Variants in PIP5K1B observed in about 807,000 individuals in gnomAD.
The protein encoded by PIP5K1B is phosphatidylinositol-4-phosphate 5-kinase type 1 beta, also known as phosphatidylinositol 4-phosphate 5-kinase type-1 beta.
Under a neutral mutation model 67.0 loss-of-function variants are expected in PIP5K1B, and 42 were observed. The observed-to-expected ratio is 0.63, with a 90% CI of 0.49 to 0.81. PIP5K1B has a LOEUF of 0.81. Ranked by LOEUF, PIP5K1B falls within the 30% of genes least tolerant of loss-of-function variation. PIP5K1B has a pLI of 0.00. For missense variants in PIP5K1B, 459 were observed against 646.3 expected, an observed-to-expected ratio of 0.71 and a Z score of 3.14; for synonymous variants, 214 against 231.4, an observed-to-expected ratio of 0.92 and a Z score of 0.68.
chr9:68,864,072 T>C, intron 5 of PIP5K1B, 105 bp downstream of exon 5: 8 of 1,000,324 alleles, frequency 8.0e-6, no homozygotes, highest in Non-Finnish European at 1.2e-5. Context: ...TATGTACAGA[T>C]GTGAATATTG....
chr9:68,836,320 T>G (rs1479543820), intron 4 of PIP5K1B, among the ~76,000 whole-genome samples: 1 of 152,222 alleles, frequency 6.6e-6, no homozygotes, highest in Non-Finnish European at 1.5e-5. Flanking sequence ...GATTTGGATA[T>G]AACTTTAAGA....
chr9:68,719,165 A>C (rs1437630240), intron 1 of PIP5K1B, among the ~76,000 whole-genome samples: 1 of 152,128 alleles, frequency 6.6e-6, no homozygotes, highest in Non-Finnish European at 1.5e-5. Context: ...TGTGATAGGC[A>C]TGCTTTCTTT....
intron 1 of PIP5K1B, among the ~76,000 whole-genome samples, chr9:68,712,662 C>T (rs1399316238): frequency 1.3e-5 from 2 of 152,312 alleles, no homozygotes; most frequent in South Asian, 4.1e-4. Context: ...ACAGTGCTTA[C>T]GTGTTAGCTA....
intron 4 of PIP5K1B, among the ~76,000 whole-genome samples, chr9:68,856,022 C>T (rs372856807): frequency 2.0e-5 from 3 of 152,180 alleles, no homozygotes; most frequent in Non-Finnish European, 2.9e-5. Flanking sequence ...GACAAGGCTG[C>T]GTTCCTTCAG....
chr9:68,784,586 G>A (rs1269544295), intron 2 of PIP5K1B: 1 of 166,966 alleles, frequency 6.0e-6, no homozygotes. Flanking sequence ...ATTGGGGAAG[G>A]AATCAAGACT....
intron 2 of PIP5K1B, among the ~76,000 whole-genome samples, chr9:68,777,888 CCTCT>C (rs1434489391): frequency 1.3e-5 from 2 of 152,150 alleles, no homozygotes; most frequent in East Asian, 1.9e-4. Flanking sequence ...GACATTTCCT[CCTCT>C]CTCCTGTTTT....
intron 1 of PIP5K1B, among the ~76,000 whole-genome samples, chr9:68,715,373 C>G (rs1827584899): frequency 6.6e-6 from 1 of 152,172 alleles, no homozygotes; most frequent in Admixed American, 6.5e-5. Context: ...CCACTCCAGT[C>G]TCAGATCCAC....
chr9:68,921,446 C>T (rs1196088563), intron 11 of PIP5K1B, among the ~76,000 whole-genome samples: 1 of 152,170 alleles, frequency 6.6e-6, no homozygotes, highest in African/African-American at 2.4e-5. Flanking sequence ...GTACCTCGAA[C>T]ATTGAAGGGG....
intron 13 of PIP5K1B, among the ~76,000 whole-genome samples, chr9:68,938,942 A>G (rs985926126): frequency 1.3e-5 from 2 of 152,224 alleles, no homozygotes; most frequent in Non-Finnish European, 2.9e-5. Context: ...TCGTACAATT[A>G]GGTGAGGCTC....
chr9:68,856,708 A>G (rs1426213597), intron 4 of PIP5K1B, among the ~76,000 whole-genome samples: 2 of 152,174 alleles, frequency 1.3e-5, no homozygotes, highest in East Asian at 1.9e-4. Context: ...GGCTCATACT[A>G]AGTGCTCAGA....
At chr9:68,843,948 C>T (rs1287647611) in intron 4 of PIP5K1B, among the ~76,000 whole-genome samples, 1 of 152,152 alleles carries the variant, frequency 6.6e-6, no homozygotes, top group African/African-American at 2.4e-5. Flanking sequence ...GCTCAGGAGA[C>T]AGGCAGAGGT....
chr9:68,705,656 T>A lies in PIP5K1B; in HGVS notation c.-349T>A, dbSNP rs1010850069. 1.0e-5 allele frequency: 1 copy of A among 97,746 alleles called. No individual in the cohort carries two copies. The highest frequency in any genetic ancestry group is 3.9e-5 in the African/African-American group (1 of 25,412). 6.1% of individuals were successfully genotyped at this position (97,746 alleles called of 1,614,324 possible). A position where few individuals can be genotyped will look rare whatever the true frequency, so the allele number is the denominator to read the frequency against. On this transcript the variant is annotated 5_prime_UTR_variant, in exon 1 of 16. Coordinates refer to ENST00000265382, the MANE Select transcript of PIP5K1B (RefSeq NM_003558.4). ...CCTCCCGCCCCTCCCGCCCCTCGCC[T>A]GCACTGCTCTCCCTTCGCTGTGGGG... is the stretch of plus-strand genomic sequence containing the variant.
chr9:68,894,744 CAT>C (rs1199522240), intron 8 of PIP5K1B, 106 bp downstream of exon 8: 10 of 1,035,148 alleles, frequency 9.7e-6, no homozygotes, highest in East Asian at 7.2e-5. Flanking sequence ...AAGTGGCAGA[CAT>C]GTGGAATCCT....
At chr9:68,965,157 T>C (rs1459324254) in intron 14 of PIP5K1B, among the ~76,000 whole-genome samples, 3 of 152,184 alleles carry the variant, frequency 2.0e-5, no homozygotes, top group Non-Finnish European at 4.4e-5. Flanking sequence ...CTTAATCACC[T>C]CATCTACAAA....
In PIP5K1B at chr9:68,705,461, G is replaced by A. The variant is rs1412088946; in HGVS notation, c.-544G>A. 6.6e-6 allele frequency: 1 copy of A among 151,734 alleles called. No homozygotes were observed. Among genetic ancestry groups the A allele is most frequent in the Non-Finnish European group, 1.5e-5 (1 of 68,056 alleles). 9.4% of individuals were successfully genotyped at this position (151,734 alleles called of 1,614,324 possible). On this transcript the variant is annotated 5_prime_UTR_variant, in exon 1 of 16. Transcript: ENST00000265382. Reference sequence around the variant, plus strand: ...CGGCGGGGAAGGAAGGGGAAAGCGGGGACACACACACTCGCCGCGGCGCGC... The same window carrying A: ...CGGCGGGGAAGGAAGGGGAAAGCGGAGACACACACACTCGCCGCGGCGCGC...
At chr9:68,903,888 A>G (rs1469520852) in intron 8 of PIP5K1B, among the ~76,000 whole-genome samples, 1 of 152,202 alleles carries the variant, frequency 6.6e-6, no homozygotes. Context: ...TCAAATACGT[A>G]TATACAATAC....
chr9:68,808,685 T>C (rs952119727), intron 2 of PIP5K1B, among the ~76,000 whole-genome samples: 6 of 152,264 alleles, frequency 3.9e-5, no homozygotes, highest in Non-Finnish European at 8.8e-5. Context: ...CATTTGATGC[T>C]GATCCTTTTG....
At position 68,758,408 on chromosome 9, in the gene PIP5K1B, A is replaced by G. The variant is rs771131018; in HGVS notation, c.-86+15751A>G. Among the ~76,000 whole-genome samples the G allele has an allele frequency of 5.5e-4, 84 of 152,310 alleles. 1 individual carries two copies. The highest frequency in any genetic ancestry group is 3.4e-3 in the Middle Eastern group (1 of 294). ...AAAAAGAAATTCTCAGCAAATGAAT[A>G]CATGATATAAAGAAGAACCAAATTA... On this transcript the variant is annotated intron_variant, in intron 2 of 15. Transcript: ENST00000265382.
At chr9:69,005,317 C>G (rs1000478461) in intron 15 of PIP5K1B, among the ~76,000 whole-genome samples, 1 of 151,996 alleles carries the variant, frequency 6.6e-6, no homozygotes, top group Non-Finnish European at 1.5e-5. Flanking sequence ...AGATCGTTCC[C>G]GTTGCATAAG....
Sources: gnomAD v4.1 joint callset for allele counts (sites outside exome capture counted in the v4.1 genomes callset) on GRCh38, gnomAD v4.1.1 for gene constraint, MANE v1.5 for transcripts, NCBI Gene and HGNC (gene_info 2026-07-23, HGNC 2026-07-21) for gene names.